The following GLCCI1 variants were observed in gnomAD, a reference collection of about 807,000 sequenced individuals.
The protein encoded by GLCCI1 is glucocorticoid-induced transcript 1 protein.
GLCCI1 carries 24 observed loss-of-function variants against 52.2 expected under a neutral mutation model. That is an observed-to-expected ratio of 0.46 (90% confidence interval 0.33 to 0.65). GLCCI1 has a LOEUF of 0.65. GLCCI1 is among the 30% of genes least tolerant of loss of function. The probability of loss-of-function intolerance (pLI) is 0.02; values close to 1 mark genes in which losing one functional copy is unlikely to be tolerated. For synonymous variants in GLCCI1, 310 were observed against 276.5 expected (o/e 1.12, Z -1.20); for missense variants, 704 against 701.5 (o/e 1.00, Z -0.04).
intron 3 of GLCCI1, among the ~76,000 whole-genome samples, chr7:8,044,986 T>C (rs1252594755): frequency 6.6e-6 from 1 of 152,164 alleles, no homozygotes; most frequent in Non-Finnish European, 1.5e-5. Context: ...AAATGATGTA[T>C]AATGAAACCA....
chr7:8,074,653 C>A (rs1782835770), intron 6 of GLCCI1, among the ~76,000 whole-genome samples: 1 of 152,112 alleles, frequency 6.6e-6, no homozygotes. Context: ...TCACTGCATT[C>A]CAGCCTGGGC....
At chr7:8,081,174 C>T (rs999928517) in intron 6 of GLCCI1, among the ~76,000 whole-genome samples, 3 of 152,106 alleles carry the variant, frequency 2.0e-5, no homozygotes, top group Admixed American at 2.0e-4. Flanking sequence ...GCTTCAGGTG[C>T]ACGTGGGAGC....
chr7:8,063,557 G>A lies in GLCCI1; in HGVS notation c.966+3309G>A, dbSNP rs139469494. On this transcript the variant is annotated intron_variant, in intron 5 of 7. Transcript: ENST00000223145. ...ATTTTTTCATATGCTTGTTGGCCAC[G>A]TGTATATCCTTCTTTTGAAAAGTGT... Among the ~76,000 whole-genome samples the A allele has an allele frequency of 9.9e-5, 15 of 150,882 alleles. No homozygotes were observed. In the East Asian group the frequency reaches 1.4e-3, roughly 14 times the overall value.
intron 5 of GLCCI1, among the ~76,000 whole-genome samples, chr7:8,069,923 C>T (rs905735268): frequency 5.3e-5 from 8 of 152,204 alleles, no homozygotes; most frequent in Non-Finnish European, 8.8e-5. Flanking sequence ...TTCCCTAGCA[C>T]TGCAGTCCTG....
chr7:8,016,750 G>A (rs1268367164), intron 2 of GLCCI1, among the ~76,000 whole-genome samples: 1 of 152,170 alleles, frequency 6.6e-6, no homozygotes, highest in Non-Finnish European at 1.5e-5. Context: ...AACAATCCAT[G>A]TTAAGCTTCT....
rs551069857 is a variant in GLCCI1 at position 8,088,981 on chromosome 7, A to T, written c.*2443A>T. ...TGAACAGTATTTGAGTTACCATATA[A>T]TATGGCTTTACACAAGGAAATGTGT... On this transcript the variant is annotated 3_prime_UTR_variant, in exon 8 of 8. Coordinates refer to ENST00000223145, the MANE Select transcript of GLCCI1 (RefSeq NM_138426.4). 2.0e-5 allele frequency: 3 copies of T among 152,754 alleles called. No individual in the cohort carries two copies. In the East Asian group the frequency reaches 5.8e-4, roughly 29 times the overall value. The allele number at this position is 152,754 out of a possible 1,614,324, so 9.5% of individuals were successfully genotyped here.
At chr7:8,022,072 T>A (rs956081834) in intron 2 of GLCCI1, among the ~76,000 whole-genome samples, 5 of 152,240 alleles carry the variant, frequency 3.3e-5, no homozygotes, top group African/African-American at 1.2e-4. Flanking sequence ...ATATTTGAAA[T>A]GTAGGTCATT....
Position 7,969,309 on chromosome 7 carries a change from C to T in GLCCI1, c.-42C>T. ...ACGCTCGCGCGCCTCCCGCCCCGCGCCTCCGTGTCGGCCGGCGGCGTCCAG... is the reference window on the plus strand; with the variant it reads ...ACGCTCGCGCGCCTCCCGCCCCGCGTCTCCGTGTCGGCCGGCGGCGTCCAG... On this transcript the variant is annotated 5_prime_UTR_variant, in exon 1 of 8. Coordinates refer to ENST00000223145, the MANE Select transcript of GLCCI1 (RefSeq NM_138426.4). The surrounding 1 kb of genome is among the most constrained non-coding windows in gnomAD (Gnocchi z 4.9). 1 of 1,397,254 alleles carries T rather than the reference C, an allele frequency of 7.2e-7. No individual in the cohort carries two copies. Among genetic ancestry groups the T allele is most frequent in the Non-Finnish European group, 9.4e-7 (1 of 1,068,966 alleles). 86.6% of individuals were successfully genotyped at this position (1,397,254 alleles called of 1,614,324 possible).
At chr7:7,975,863 T>C (rs1780456146) in intron 1 of GLCCI1, among the ~76,000 whole-genome samples, 1 of 152,214 alleles carries the variant, frequency 6.6e-6, no homozygotes, top group Non-Finnish European at 1.5e-5. Context: ...TATCTGGGCT[T>C]TCTTGTGTGT....
At chr7:8,021,961 T>C (rs577377755) in intron 2 of GLCCI1, among the ~76,000 whole-genome samples, 3 of 152,342 alleles carry the variant, frequency 2.0e-5, no homozygotes, top group South Asian at 4.1e-4. Flanking sequence ...ATAATAACTT[T>C]ATGTGTTTTA....
chr7:8,086,203 C>A lies in GLCCI1; in HGVS notation c.1309C>A (p.Pro437Thr), dbSNP rs775703434. Reference protein sequence around the residue: ...KVFEEMASRQPISAPLFSCPD... With the variant: ...KVFEEMASRQTISAPLFSCPD... ...GTTTTATGGTTTTAGGTCTCGTCAG[C>A]CTATCTCGGCCCCTCTCTTTTCATG... Residue 437 changes from proline to threonine, a missense_variant, in exon 8 of 8, where the codon CCT becomes ACT. Around this residue, in one of 3 missense-constraint regions of GLCCI1, gnomAD observed 149 missense variants for 152.9 expected, o/e 0.97. Transcript: ENST00000223145. The surrounding 1 kb of genome is among the most constrained non-coding windows in gnomAD (Gnocchi z 4.4). 6.2e-7 allele frequency: 1 copy of A among 1,611,312 alleles called. No homozygotes were observed. Among genetic ancestry groups the A allele is most frequent in the African/African-American group, 1.3e-5 (1 of 74,786 alleles).
Position 8,088,928 on chromosome 7 carries a change from T to C in GLCCI1, c.*2390T>C, listed in dbSNP as rs1269802861. 1 of 152,680 alleles carries C rather than the reference T, an allele frequency of 6.5e-6. No individual in the cohort carries two copies. The highest frequency in any genetic ancestry group is 1.9e-4 in the East Asian group (1 of 5,208). The allele number at this position is 152,680 out of a possible 1,614,324, so 9.5% of individuals were successfully genotyped here. On this transcript the variant is annotated 3_prime_UTR_variant, in exon 8 of 8. Coordinates refer to ENST00000223145, the MANE Select transcript of GLCCI1 (RefSeq NM_138426.4). ...GAAATTGTTTAAATTTTGTATATAA[T>C]TGTACTGTTTAATTCTAGCCATTGC...
At chr7:8,065,875 T>C (rs777404910) in intron 5 of GLCCI1, among the ~76,000 whole-genome samples, 8 of 152,322 alleles carry the variant, frequency 5.3e-5, no homozygotes, top group Middle Eastern at 6.8e-3. Context: ...CATCGTCATG[T>C]CTCTGCCAAG....
intron 2 of GLCCI1, among the ~76,000 whole-genome samples, chr7:8,021,351 CT>C (rs1781482096): frequency 6.6e-6 from 1 of 152,080 alleles, no homozygotes; most frequent in South Asian, 2.1e-4. Flanking sequence ...GGTTTTGACC[CT>C]TTCTGATTTA....
At chr7:7,995,666 C>G (rs1382057325) in intron 1 of GLCCI1, among the ~76,000 whole-genome samples, 1 of 152,166 alleles carries the variant, frequency 6.6e-6, no homozygotes, top group Non-Finnish European at 1.5e-5. Context: ...AAACCAAACA[C>G]CGCATGTTCT....
chr7:8,064,302 G>C (rs1014916590), intron 5 of GLCCI1, among the ~76,000 whole-genome samples: 5 of 152,192 alleles, frequency 3.3e-5, no homozygotes, highest in Admixed American at 3.3e-4. Flanking sequence ...AAGGTATCCA[G>C]TTTCAGTCTT....
intron 3 of GLCCI1, among the ~76,000 whole-genome samples, chr7:8,048,154 T>C (rs1306114116): frequency 3.3e-5 from 5 of 152,254 alleles, no homozygotes; most frequent in African/African-American, 1.2e-4. Flanking sequence ...AACAGATTTT[T>C]AAAGTTGACT....
Position 7,969,685 on chromosome 7 carries a change from C to A in GLCCI1, c.335C>A (p.Pro112Gln). The A allele has an allele frequency of 8.8e-7, 1 of 1,140,268 alleles. No homozygotes were observed. The highest frequency in any genetic ancestry group is 1.1e-6 in the Non-Finnish European group (1 of 928,678). The allele number at this position is 1,140,268 out of a possible 1,614,324, so 70.6% of individuals were successfully genotyped here. Residue 112 changes from proline to glutamine, a missense_variant, in exon 1 of 8, where the codon CCG (proline) becomes CAG (glutamine). Transcript: ENST00000223145. This position sits in a 1 kb window ranked among gnomAD's most constrained non-coding sequence, Gnocchi z 4.9. ...CCCAGCCCGTCCAGCCCGACGCCGC[C>A]GGCGGCCGCAGCCCCGGCCGAGCAG... is the stretch of plus-strand genomic sequence containing the variant. ...RGPSPSSPTP[P>Q]AAAAPAEQAP...
chr7:8,050,732 T>C (rs1782239224), intron 3 of GLCCI1, among the ~76,000 whole-genome samples: 1 of 152,218 alleles, frequency 6.6e-6, no homozygotes, highest in Non-Finnish European at 1.5e-5. Context: ...AACTTCATTC[T>C]TCAGTCAGTA....
Sources: gnomAD v4.1 joint callset for allele counts (sites outside exome capture counted in the v4.1 genomes callset) on GRCh38, gnomAD v4.1.1 for gene constraint, gnomAD v4.1.1 regional missense constraint, Gnocchi (gnomAD v3.1) non-coding constraint, MANE v1.5 for transcripts, NCBI Gene and HGNC (gene_info 2026-07-23, HGNC 2026-07-21) for gene names.